The following GLS variants were observed in gnomAD, a reference collection of about 807,000 sequenced individuals.
The protein encoded by GLS is glutaminase, also known as glutaminase kidney isoform, mitochondrial.
In GLS, 36 loss-of-function variants were observed where a neutral mutation model predicts 86.7. The observed-to-expected ratio is 0.42, with a 90% CI of 0.32 to 0.55. GLS has a LOEUF of 0.55. Among genes scored for constraint, GLS ranks in the 20% least tolerant of loss-of-function variants. The probability of loss-of-function intolerance (pLI) is 0.17; values close to 1 mark genes in which losing one functional copy is unlikely to be tolerated. For synonymous variants in GLS, 317 were observed against 305.9 expected (o/e 1.04, Z -0.38); for missense variants, 528 against 833.4 (o/e 0.63, Z 4.51).
rs2124830226 is a variant in GLS, at chr2:190,897,415, CT to C, written c.605+1691del. Among the ~76,000 whole-genome samples the C allele has an allele frequency of 6.6e-6, 1 of 152,318 alleles. No homozygotes were observed. Among genetic ancestry groups the C allele is most frequent in the Admixed American group, 6.5e-5 (1 of 15,300 alleles). On this transcript the variant is annotated intron_variant, in intron 3 of 17. Transcript: ENST00000320717. This position sits in a 1 kb window ranked among gnomAD's most constrained non-coding sequence, Gnocchi z 4.3. ...CAGGGAACTGCAAACATTAAATTTTCTGCCTGCAATTAAGAGATAGTAATTA... is the reference window on the plus strand; with the variant it reads ...CAGGGAACTGCAAACATTAAATTTTCGCCTGCAATTAAGAGATAGTAATTA...
chr2:190,889,659 C>T (rs1688500364), intron 1 of GLS, among the ~76,000 whole-genome samples: 1 of 152,100 alleles, frequency 6.6e-6, no homozygotes, highest in Non-Finnish European at 1.5e-5. Context: ...ATGTTATAGA[C>T]TTGATCTCCC....
At chr2:190,939,552 A>G (rs1690368233) in intron 14 of GLS, among the ~76,000 whole-genome samples, 1 of 151,596 alleles carries the variant, frequency 6.6e-6, no homozygotes, top group African/African-American at 2.4e-5. Context: ...GAACCATTTT[A>G]TTGTAAAATT....
At chr2:190,940,104 CATGAA>C (rs1690382312) in intron 14 of GLS, among the ~76,000 whole-genome samples, 3 of 151,848 alleles carry the variant, frequency 2.0e-5, no homozygotes. Flanking sequence ...GAAAACCACA[CATGAA>C]ATGTAAAAGT....
chr2:190,959,002 T>TA (rs1690930757), intron 17 of GLS, among the ~76,000 whole-genome samples: 2 of 152,200 alleles, frequency 1.3e-5, no homozygotes, highest in South Asian at 4.1e-4. Flanking sequence ...TTGATCTGTC[T>TA]AATATTGACA....
chr2:190,884,125 C>CA (rs1688298249), intron 1 of GLS, among the ~76,000 whole-genome samples: 1 of 152,150 alleles, frequency 6.6e-6, no homozygotes, highest in African/African-American at 2.4e-5. Context: ...TCTTCGTTTT[C>CA]AAAATTGTTC....
chr2:190,935,096 T>G lies in GLS; in HGVS notation c.1650+3459T>G. On this transcript the variant is annotated intron_variant, in intron 14 of 17. Transcript: ENST00000320717. This position sits in a 1 kb window ranked among gnomAD's most constrained non-coding sequence, Gnocchi z 4.2. ...TTTTTCTTTCTTTTTTTGGCATCATTAACATTTCATTTGAAATGCATATTG... is the reference window on the plus strand; with the variant it reads ...TTTTTCTTTCTTTTTTTGGCATCATGAACATTTCATTTGAAATGCATATTG... 6.4e-6 allele frequency: 6 copies of G among 943,344 alleles called. No individual in the cohort carries two copies. The highest frequency in any genetic ancestry group is 7.6e-6 in the Non-Finnish European group (6 of 791,854). 58.4% of individuals were successfully genotyped at this position (943,344 alleles called of 1,614,324 possible). A position where few individuals can be genotyped will look rare whatever the true frequency, so the allele number is the denominator to read the frequency against.
rs1021031852 is a variant in GLS, at chr2:190,921,925, T to C, written c.1130+722T>C. Among the ~76,000 whole-genome samples, 22 of 152,128 alleles carry C rather than the reference T, an allele frequency of 1.4e-4. No individual in the cohort carries two copies. The highest frequency in any genetic ancestry group is 5.1e-4 in the African/African-American group (21 of 41,452). The stretch of plus-strand genomic sequence containing the variant: ...AGATTCAGGAACAAATCAAGGTTCT[T>C]ACATTGTATTTATTACGATGTCTGT... On this transcript the variant is annotated intron_variant, in intron 9 of 17. Transcript: ENST00000320717. The surrounding 1 kb of genome is among the most constrained non-coding windows in gnomAD (Gnocchi z 4.2).
chr2:190,950,129 C>G (rs1690681303), intron 14 of GLS, among the ~76,000 whole-genome samples: 1 of 151,980 alleles, frequency 6.6e-6, no homozygotes, highest in Non-Finnish European at 1.5e-5. Flanking sequence ...AGCCTCCTGA[C>G]AGCCTGGGGA....
chr2:190,943,266 C>T lies in GLS; in HGVS notation c.1651-10299C>T, dbSNP rs1431751611. 6.6e-6 allele frequency among the ~76,000 whole-genome samples: 1 copy of T among 152,166 alleles called. No individual in the cohort carries two copies. The highest frequency in any genetic ancestry group is 2.4e-5 in the African/African-American group (1 of 41,506). ...TCAGATTTAGGCCTAAAACTTAGAG[C>T]AGTGTAAGTTGGAGCTATAATTTTG... On this transcript the variant is annotated intron_variant, in intron 14 of 17. Coordinates refer to ENST00000320717, the MANE Select transcript of GLS (RefSeq NM_014905.5). The surrounding 1 kb of genome is among the most constrained non-coding windows in gnomAD (Gnocchi z 4.5).
Position 190,924,688 on chromosome 2 carries a change from A to C in GLS, c.1248+95A>C. ...TCCCAGCACTTTGGGAGGCCAGGGC[A>C]GGTGGATCATGAGGTCAAGAGATAG... is the stretch of plus-strand genomic sequence containing the variant. On this transcript the variant is annotated intron_variant, in intron 11 of 17. Transcript: ENST00000320717. The surrounding 1 kb of genome is among the most constrained non-coding windows in gnomAD (Gnocchi z 5.2). 1 of 720,576 alleles carries C rather than the reference A, an allele frequency of 1.4e-6. No individual in the cohort carries two copies. The highest frequency in any genetic ancestry group is 2.7e-5 in the East Asian group (1 of 37,314). 44.6% of individuals were successfully genotyped at this position (720,576 alleles called of 1,614,324 possible). A position where few individuals can be genotyped will look rare whatever the true frequency, so the allele number is the denominator to read the frequency against.
intron 17 of GLS, among the ~76,000 whole-genome samples, chr2:190,957,235 C>T (rs908512806): frequency 1.3e-5 from 2 of 152,150 alleles, no homozygotes; most frequent in African/African-American, 2.4e-5. Context: ...GGATTACAGG[C>T]GTGTGCCCAC....
chr2:190,926,886 T>G, intron 11 of GLS: 1 of 154,266 alleles, frequency 6.5e-6, no homozygotes, highest in Non-Finnish European at 1.4e-5. Flanking sequence ...TGATTTCTCA[T>G]GTAGACACTA....
At chr2:190,899,758 TC>T (rs1428001671) in intron 3 of GLS, among the ~76,000 whole-genome samples, 1 of 152,180 alleles carries the variant, frequency 6.6e-6, no homozygotes, top group African/African-American at 2.4e-5. Flanking sequence ...ATACTGATTT[TC>T]TGGCTTAAAT....
Position 190,940,540 on chromosome 2 carries a change from G to A in GLS, c.1650+8903G>A, listed in dbSNP as rs146141772. Among the ~76,000 whole-genome samples, 577 of 152,044 alleles carry A rather than the reference G, an allele frequency of 3.8e-3. 5 individuals carry two copies. Among genetic ancestry groups the A allele is most frequent in the Non-Finnish European group, 2.9e-3 (195 of 67,890 alleles). On this transcript the variant is annotated intron_variant, in intron 14 of 17. Transcript: ENST00000320717. ...GCAAATTAGCAGTTTTATTGTAGAC[G>A]TACCCACTTTAAGTTGCTCTGCTTC...
intron 6 of GLS, among the ~76,000 whole-genome samples, chr2:190,908,982 C>T (rs948075782): frequency 1.3e-5 from 2 of 152,074 alleles, no homozygotes; most frequent in African/African-American, 4.8e-5. Context: ...AGAGTCTAAG[C>T]CTGATAATGT....
rs1220231217 is a variant in GLS at position 190,943,159 on chromosome 2, G to T, written c.1651-10406G>T. On this transcript the variant is annotated intron_variant, in intron 14 of 17. Transcript: ENST00000320717. The surrounding 1 kb of genome is among the most constrained non-coding windows in gnomAD (Gnocchi z 4.5). ...TGGAAGGGGTGGGTAGTGGATAATG[G>T]TTAGACAACTATCAGTATGTAGAAG... 1.3e-5 allele frequency among the ~76,000 whole-genome samples: 2 copies of T among 152,166 alleles called. No individual in the cohort carries two copies. Among genetic ancestry groups the T allele is most frequent in the Non-Finnish European group, 2.9e-5 (2 of 68,024 alleles).
At chr2:190,882,409 A>G (rs1165129626) in intron 1 of GLS, among the ~76,000 whole-genome samples, 5 of 152,224 alleles carry the variant, frequency 3.3e-5, no homozygotes, top group Admixed American at 3.3e-4. Flanking sequence ...TGTCTTGTGT[A>G]ATACAAATGG....
intron 1 of GLS, among the ~76,000 whole-genome samples, chr2:190,891,263 A>T (rs1688551175): frequency 6.6e-6 from 1 of 152,142 alleles, no homozygotes; most frequent in Non-Finnish European, 1.5e-5. Flanking sequence ...TTTCTCCTAG[A>T]CCACAACCTT....
intron 17 of GLS, among the ~76,000 whole-genome samples, chr2:190,957,489 T>C (rs1690889431): frequency 6.6e-6 from 1 of 152,224 alleles, no homozygotes; most frequent in Non-Finnish European, 1.5e-5. Context: ...TTGTGCCAAT[T>C]TTCAAAGGGA....
Sources: allele counts gnomAD v4.1 joint callset (sites outside exome capture counted in the v4.1 genomes callset), GRCh38; gene constraint gnomAD v4.1.1; non-coding constraint Gnocchi (gnomAD v3.1); transcripts MANE v1.5; gene names NCBI Gene and HGNC (gene_info 2026-07-23, HGNC 2026-07-21).